Variants in BRWD3 observed in about 807,000 individuals in gnomAD.
BRWD3 encodes the protein bromodomain and WD repeat domain containing 3.
Under a neutral mutation model 149.7 loss-of-function variants are expected in BRWD3, and 10 were observed. The ratio of observed to expected loss-of-function variants is 0.07; its 90% CI spans 0.04 to 0.11. The LOEUF (loss-of-function observed/expected upper bound fraction) is 0.11, where lower values mean the gene tolerates loss of function less well. Ranked by LOEUF, BRWD3 falls within the 10% of genes least tolerant of loss-of-function variation. The pLI is 1.00. For missense variants in BRWD3, 940 were observed against 1,373.2 expected, an observed-to-expected ratio of 0.68 and a Z score of 4.99; for synonymous variants, 504 against 456.7, an observed-to-expected ratio of 1.10 and a Z score of -1.32.
rs766801649 is a variant in BRWD3 at position 80,699,977 on chromosome X, A to G, written c.2923T>C (p.Trp975Arg). 8.3e-7 allele frequency: 1 copy of G among 1,208,357 alleles called. No individual in the cohort carries two copies. Among genetic ancestry groups the G allele is most frequent in the East Asian group, 3.0e-5 (1 of 33,732 alleles). ...CTTACCCTGAGATCCATTTTGTTCCATGGCTGTTTTTGTAAATTAACACTG... is the reference window on the plus strand; with the variant it reads ...CTTACCCTGAGATCCATTTTGTTCCGTGGCTGTTTTTGTAAATTAACACTG... Reference protein sequence around the residue: ...IYSVNLQKQPWNKMDLREQEF... With the variant: ...IYSVNLQKQPRNKMDLREQEF... Residue 975 changes from tryptophan to arginine, a missense_variant, in exon 25 of 41, where the codon TGG becomes CGG. Physicochemically the swap from Trp to Arg is moderately radical, Grantham distance 101. This residue lies in a region of BRWD3 where 158 missense variants were observed against 284.0 expected (regional missense o/e 0.56). Coordinates refer to ENST00000373275, the MANE Select transcript of BRWD3 (RefSeq NM_153252.5).
intron 35 of BRWD3, among the ~76,000 whole-genome samples, chrX:80,686,090 T>C (rs2072517717): frequency 9.0e-6 from 1 of 110,998 alleles, no homozygotes; most frequent in South Asian, 3.8e-4. Flanking sequence ...CTTAATCCAG[T>C]CTATCATTGT....
rs368871624 is a variant in BRWD3 at position 80,728,741 on chromosome X, A to G, written c.1386+11T>C. The G allele has an allele frequency of 1.9e-4, 225 of 1,182,561 alleles. No individual in the cohort carries two copies. Among genetic ancestry groups the G allele is most frequent in the Non-Finnish European group, 2.5e-4 (215 of 875,422 alleles). Reference sequence around the variant, plus strand: ...TGACCATTTTAATTACTCTAAAAATAAAATACTTACAGATAATGTATGAAG... The same window carrying G: ...TGACCATTTTAATTACTCTAAAAATGAAATACTTACAGATAATGTATGAAG... On this transcript the variant is annotated intron_variant, in intron 14 of 40. Transcript: ENST00000373275.
chrX:80,729,079 C>T (rs961916517), intron 13 of BRWD3, among the ~76,000 whole-genome samples, 174 bp from the exon 14 acceptor site: 1 of 111,135 alleles, frequency 9.0e-6, no homozygotes, highest in Non-Finnish European at 1.9e-5. Flanking sequence ...CTGCATAGGG[C>T]AATACCCATT....
At chrX:80,777,990 T>G (rs2074016462) in intron 6 of BRWD3, among the ~76,000 whole-genome samples, 1 of 110,916 alleles carries the variant, frequency 9.0e-6, no homozygotes, top group African/African-American at 3.3e-5. Flanking sequence ...AAAAATAGAT[T>G]GTTTCCAATT....
At chrX:80,733,634 G>A (rs1357816758) in intron 11 of BRWD3, 138 bp from the exon 12 acceptor site, 2 of 470,581 alleles carry the variant, frequency 4.3e-6, no homozygotes, top group Non-Finnish European at 7.3e-6. Context: ...CCAAAACAAT[G>A]TACTAACTAT....
chrX:80,712,091 A>G, intron 20 of BRWD3, among the ~76,000 whole-genome samples: 1 of 111,778 alleles, frequency 8.9e-6, no homozygotes, highest in South Asian at 3.8e-4. Context: ...TCCAATCTCC[A>G]ACCCCCCACC....
At position 80,744,137 on chromosome X, in the gene BRWD3, A is replaced by G; in HGVS notation, c.708T>C (p.Leu236=). The G allele has an allele frequency of 8.3e-7, 1 of 1,211,242 alleles. No individual in the cohort carries two copies. The highest frequency in any genetic ancestry group is 1.1e-6 in the Non-Finnish European group (1 of 894,923). ...SDMAVNYENT[L]IAAGSCDKVV... is the part of the protein sequence containing the mutation. Reference sequence around the variant, plus strand: ...CCTTATCACAGCTGCCTGCAGCAATAAGAGTGTTTTCATAGTTAACAGCCA... The same window carrying G: ...CCTTATCACAGCTGCCTGCAGCAATGAGAGTGTTTTCATAGTTAACAGCCA... The change falls in exon 8 of 41, where the codon CTT becomes CTC. Residue 236 remains leucine, a synonymous_variant. Coordinates refer to ENST00000373275, the MANE Select transcript of BRWD3 (RefSeq NM_153252.5).
chrX:80,795,991 G>A (rs1192759145), intron 4 of BRWD3, among the ~76,000 whole-genome samples: 3 of 110,549 alleles, frequency 2.7e-5, no homozygotes, highest in Non-Finnish European at 5.7e-5. Flanking sequence ...ATCACCATGA[G>A]AGAAGATATT....
At chrX:80,765,546 A>G (rs1457079820) in intron 6 of BRWD3, among the ~76,000 whole-genome samples, 1 of 111,982 alleles carries the variant, frequency 8.9e-6, no homozygotes, top group Non-Finnish European at 1.9e-5. Flanking sequence ...ACCAACTACA[A>G]CCATGTGACC....
At chrX:80,732,921 C>G (rs2073352261) in intron 12 of BRWD3, among the ~76,000 whole-genome samples, 1 of 111,308 alleles carries the variant, frequency 9.0e-6, no homozygotes, top group Non-Finnish European at 1.9e-5. Context: ...GGGCAGATGA[C>G]AAGGTCAGGA....
intron 6 of BRWD3, among the ~76,000 whole-genome samples, chrX:80,777,707 T>G (rs1372857058): frequency 1.8e-5 from 2 of 112,252 alleles, no homozygotes; most frequent in Non-Finnish European, 3.8e-5. Context: ...CTCTGATTTT[T>G]TTAATACAAA....
At chrX:80,779,397 G>C (rs2074034605) in intron 6 of BRWD3, among the ~76,000 whole-genome samples, 1 of 110,701 alleles carries the variant, frequency 9.0e-6, no homozygotes, top group African/African-American at 3.3e-5. Context: ...CTATTAAGTA[G>C]AGAGGACAAT....
intron 6 of BRWD3, among the ~76,000 whole-genome samples, chrX:80,758,765 A>C (rs1389682741): frequency 9.0e-6 from 1 of 111,486 alleles, no homozygotes; most frequent in Admixed American, 9.6e-5. Flanking sequence ...ATCCTGGGCA[A>C]TATAGCGAGA....
intron 40 of BRWD3, among the ~76,000 whole-genome samples, chrX:80,679,956 A>C (rs193225475): frequency 5.5e-4 from 61 of 111,913 alleles, no homozygotes; most frequent in African/African-American, 1.9e-3. Context: ...GGAGACACTA[A>C]AGATGTAAAC....
Position 80,684,118 on chromosome X carries a change from C to T in BRWD3, c.4125G>A (p.Val1375=), listed in dbSNP as rs780915986. 2.5e-6 allele frequency: 3 copies of T among 1,206,527 alleles called. No individual in the cohort carries two copies. In the Admixed American group the frequency reaches 6.5e-5, roughly 26 times the overall value. ...AGTTTCCTGCTTCCAAAGTTTCTTT[C>T]ACAGTGCTGAAGTCCACAGGAGTAT... ...VIDTPVDFST[V]KETLEAGNYG... Residue 1375 remains valine (V), a synonymous_variant, in exon 37 of 41, where the codon GTG becomes GTA. Transcript: ENST00000373275.
intron 6 of BRWD3, among the ~76,000 whole-genome samples, chrX:80,746,583 C>G (rs370074431): frequency 9.0e-6 from 1 of 111,601 alleles, no homozygotes; most frequent in African/African-American, 3.3e-5. Context: ...CCCTTATACA[C>G]TAAAAGTGCT....
Position 80,688,049 on chromosome X carries a change from C to G in BRWD3, c.3864+20G>C, listed in dbSNP as rs373913543. ...GAAACCTGAAAACATATCTCCTCAG[C>G]AGTTCACTTATTTACTCACCTTTCT... On this transcript the variant is annotated intron_variant, in intron 34 of 40. Coordinates refer to ENST00000373275, the MANE Select transcript of BRWD3 (RefSeq NM_153252.5). 1.3e-4 allele frequency: 146 copies of G among 1,162,126 alleles called. No homozygotes were observed. Among genetic ancestry groups the G allele is most frequent in the Non-Finnish European group, 1.6e-4 (140 of 852,290 alleles).
intron 6 of BRWD3, among the ~76,000 whole-genome samples, chrX:80,777,857 G>A (rs1005033909): frequency 3.6e-5 from 4 of 111,130 alleles, no homozygotes; most frequent in Non-Finnish European, 5.7e-5. Flanking sequence ...CCACTTTGTT[G>A]CCCAGGCTGG....
intron 35 of BRWD3, among the ~76,000 whole-genome samples, chrX:80,686,295 A>G (rs2072522603): frequency 9.2e-6 from 1 of 108,468 alleles, no homozygotes; most frequent in African/African-American, 3.4e-5. Context: ...GGATAGCATT[A>G]GGAGATATAC....
Sources: gnomAD v4.1 joint callset for allele counts (sites outside exome capture counted in the v4.1 genomes callset) on GRCh38, gnomAD v4.1.1 for gene constraint, gnomAD v4.1.1 regional missense constraint, MANE v1.5 for transcripts, NCBI Gene and HGNC (gene_info 2026-07-23, HGNC 2026-07-21) for gene names.